Variants in TOPAZ1 observed in about 807,000 individuals in gnomAD.
The protein encoded by TOPAZ1 is protein TOPAZ1.
TOPAZ1 carries 66 observed loss-of-function variants against 172.2 expected under a neutral mutation model. The ratio of observed to expected loss-of-function variants is 0.38; its 90% CI spans 0.31 to 0.47. The LOEUF is 0.47. Among genes scored for constraint, TOPAZ1 ranks in the 20% least tolerant of loss-of-function variants. The pLI is 0.99. For synonymous variants in TOPAZ1, 681 were observed against 683.9 expected (o/e 1.00, Z 0.07); for missense variants, 1,822 against 1,972.4 (o/e 0.92, Z 1.44).
intron 16 of TOPAZ1, among the ~76,000 whole-genome samples, chr3:44,312,052 T>C (rs1370346118): frequency 6.6e-6 from 1 of 152,152 alleles, no homozygotes; most frequent in Non-Finnish European, 1.5e-5. Context: ...TACAAAGGTA[T>C]GCATATTAAA....
chr3:44,278,368 A>T (rs1699986752), intron 8 of TOPAZ1, among the ~76,000 whole-genome samples: 2 of 152,134 alleles, frequency 1.3e-5, no homozygotes, highest in Non-Finnish European at 2.9e-5. Context: ...TGGTTTTGTT[A>T]TCAGGGTAAT....
chr3:44,284,040 G>T (rs185403525), intron 9 of TOPAZ1, among the ~76,000 whole-genome samples: 2 of 152,204 alleles, frequency 1.3e-5, no homozygotes, highest in East Asian at 3.9e-4. Context: ...GCATTTAGTT[G>T]TCATGATTCT....
At chr3:44,318,758 GAA>G (rs924211166) in intron 16 of TOPAZ1, among the ~76,000 whole-genome samples, 1 of 140,388 alleles carries the variant, frequency 7.1e-6, no homozygotes, top group Non-Finnish European at 1.5e-5. Context: ...CCATTCCTCG[GAA>G]AAAAAAAATA....
At chr3:44,282,537 G>A (rs1052111254) in intron 9 of TOPAZ1, among the ~76,000 whole-genome samples, 1 of 152,082 alleles carries the variant, frequency 6.6e-6, no homozygotes, top group African/African-American at 2.4e-5. Flanking sequence ...AAGGCTATTC[G>A]GCCTTCAGGG....
rs144913806 is a variant in TOPAZ1 at position 44,287,940 on chromosome 3, G to A, written c.3681+101G>A. 5,002 of 617,030 alleles carry A rather than the reference G, an allele frequency of 8.1e-3. 29 individuals are homozygous for A. Among genetic ancestry groups the A allele is most frequent in the Non-Finnish European group, 0.011 (4,036 of 358,410 alleles). 38.2% of individuals were successfully genotyped at this position (617,030 alleles called of 1,614,324 possible). A position where few individuals can be genotyped will look rare whatever the true frequency, so the allele number is the denominator to read the frequency against. On this transcript the variant is annotated intron_variant, in intron 11 of 19. Transcript: ENST00000309765. Reference sequence around the variant, plus strand: ...TTGAGCTGCCTTTTATTCACATTCTGGATGCCAAAGAATTCTATTTCCAGA... The same window carrying A: ...TTGAGCTGCCTTTTATTCACATTCTAGATGCCAAAGAATTCTATTTCCAGA...
intron 19 of TOPAZ1, 104 bp downstream of exon 19, chr3:44,328,537 T>A: frequency 1.5e-5 from 8 of 521,022 alleles, no homozygotes; most frequent in Non-Finnish European, 2.2e-5. Context: ...ACATATATAT[T>A]TATGTATATA....
In TOPAZ1 at chr3:44,244,373, C is replaced by T; in HGVS notation, c.1867C>T (p.Gln623Ter). The T allele has an allele frequency of 6.4e-7, 1 of 1,550,700 alleles. No homozygotes were observed. Among genetic ancestry groups the T allele is most frequent in the South Asian group, 1.2e-5 (1 of 83,882 alleles). ...TEDTQLTSET[Q>*]SLTGNKKKAR... The stretch of plus-strand genomic sequence containing the variant: ...AGATACTCAATTAACCAGTGAGACT[C>T]AAAGCTTAACGGGAAATAAAAAAAA... Residue 623 changes from glutamine (Q) to a stop codon, truncating the protein, a stop_gained, in exon 2 of 20, where the codon CAA becomes TAA. Coordinates refer to ENST00000309765, the MANE Select transcript of TOPAZ1 (RefSeq NM_001145030.2). LOFTEE classifies it high-confidence loss of function.
At chr3:44,275,723 G>GTATCCATAT in intron 8 of TOPAZ1, among the ~76,000 whole-genome samples, 1 of 151,876 alleles carries the variant, frequency 6.6e-6, no homozygotes, top group Non-Finnish European at 1.5e-5. Context: ...CCCAGTAGTG[G>GTATCCATAT]GATTGCTAAA....
Position 44,287,414 on chromosome 3 carries a change from A to T in TOPAZ1, c.3462A>T (p.Arg1154Ser). Residue 1154 changes from arginine to serine, a missense_variant, in exon 10 of 20, where the codon AGA (arginine) becomes AGT (serine). Around this residue, in one of 2 missense-constraint regions of TOPAZ1, gnomAD observed 1,489 missense variants for 1,490.8 expected, o/e 1.00. Coordinates refer to ENST00000309765, the MANE Select transcript of TOPAZ1 (RefSeq NM_001145030.2). ...TAAACATATTTATGGAGTACTACAG[A>T]AAGTTTCCCCCAGGTGTATACTTTG... Reference protein sequence around the residue: ...RAVNIFMEYYRKFPPGVYFDL... With the variant: ...RAVNIFMEYYSKFPPGVYFDL... 1 of 1,506,148 alleles carries T rather than the reference A, an allele frequency of 6.6e-7. No homozygotes were observed. Among genetic ancestry groups the T allele is most frequent in the Non-Finnish European group, 8.9e-7 (1 of 1,124,828 alleles). The allele number at this position is 1,506,148 out of a possible 1,614,324, so 93.3% of individuals were successfully genotyped here.
In TOPAZ1 at chr3:44,244,683, T is replaced by C. The variant is rs1398053021; in HGVS notation, c.2177T>C (p.Val726Ala). 6.4e-7 allele frequency: 1 copy of C among 1,551,338 alleles called. No homozygotes were observed. Among genetic ancestry groups the C allele is most frequent in the Non-Finnish European group, 8.7e-7 (1 of 1,146,980 alleles). The change falls in exon 2 of 20, where the codon GTA becomes GCA. Residue 726 changes from valine (V) to alanine (A), a missense_variant. Transcript: ENST00000309765. ...ELLDNLSGAD[V>A]RQNRSKENVS... ...CTGGACAATTTATCTGGAGCAGACG[T>C]AAGACAGAACAGGAGTAAAGAAAAT...
downstream of TOPAZ1, among the ~76,000 whole-genome samples, chr3:44,334,103 G>A (rs1700698045): frequency 6.6e-6 from 1 of 152,158 alleles, no homozygotes; most frequent in Non-Finnish European, 1.5e-5. Context: ...AAATTTGGGG[G>A]AAAGAAGCCT....
Position 44,289,272 on chromosome 3 carries a change from C to T in TOPAZ1, c.3681+1433C>T, listed in dbSNP as rs76216340. Among the ~76,000 whole-genome samples the T allele has an allele frequency of 3.0e-3, 460 of 152,130 alleles. 3 individuals carry two copies. Among genetic ancestry groups the T allele is most frequent in the African/African-American group, 0.01 (433 of 41,506 alleles). ...AGTGACCCTTTCAAATGTTGTAGAG[C>T]GTAACAGTAAAAAAATCATGATGTC... On this transcript the variant is annotated intron_variant, in intron 11 of 19. Transcript: ENST00000309765.
At chr3:44,286,146 C>T (rs1171285226) in intron 9 of TOPAZ1, among the ~76,000 whole-genome samples, 5 of 152,054 alleles carry the variant, frequency 3.3e-5, no homozygotes, top group African/African-American at 1.2e-4. Flanking sequence ...ACCTGGAAGG[C>T]AGAGGTTGCA....
Position 44,287,425 on chromosome 3 carries a change from C to T in TOPAZ1, c.3473C>T (p.Pro1158Leu). The change falls in exon 10 of 20, where the codon CCA becomes CTA. Residue 1158 changes from proline (P) to leucine (L), a missense_variant. Physicochemically the swap from Pro to Leu is moderately conservative, Grantham distance 98 (BLOSUM62 -3). Transcript: ENST00000309765. ...ATGGAGTACTACAGAAAGTTTCCCC[C>T]AGGTGTATACTTTGATTTACAAGTG... ...IFMEYYRKFP[P>L]GVYFDLQVLN... 1 of 1,511,332 alleles carries T rather than the reference C, an allele frequency of 6.6e-7. No homozygotes were observed. The highest frequency in any genetic ancestry group is 8.9e-7 in the Non-Finnish European group (1 of 1,127,502). 93.6% of individuals were successfully genotyped at this position (1,511,332 alleles called of 1,614,324 possible). A position where few individuals can be genotyped will look rare whatever the true frequency, so the allele number is the denominator to read the frequency against.
At chr3:44,269,177 A>G (rs1465748512) in intron 6 of TOPAZ1, 39 bp from the exon 7 acceptor site, 1 of 1,084,158 alleles carries the variant, frequency 9.2e-7, no homozygotes, top group Non-Finnish European at 1.4e-6. Context: ...AATAAGTTGT[A>G]ACATATTGGT....
rs535134102 is a variant in TOPAZ1 at position 44,281,954 on chromosome 3, C to T, written c.3373-14C>T. On this transcript the variant is annotated splice_polypyrimidine_tract_variant and intron_variant, in intron 8 of 19. Transcript: ENST00000309765. ...TTAAAAAAGGTAGTTTTACATTTTT[C>T]GTGACTTTTGCAGGTTTGCATGGAT... The T allele has an allele frequency of 1.6e-5, 25 of 1,517,336 alleles. No individual in the cohort carries two copies. Among genetic ancestry groups the T allele is most frequent in the African/African-American group, 9.7e-5 (7 of 71,894 alleles). The allele number at this position is 1,517,336 out of a possible 1,614,324, so 94.0% of individuals were successfully genotyped here.
chr3:44,250,781 A>G (rs929698091), intron 2 of TOPAZ1, among the ~76,000 whole-genome samples: 8 of 152,326 alleles, frequency 5.3e-5, no homozygotes, highest in Non-Finnish European at 1.0e-4. Flanking sequence ...GGTGGGGACT[A>G]TGAAGAAACA....
At position 44,252,397 on chromosome 3, in the gene TOPAZ1, A is replaced by G. The variant is rs573844573; in HGVS notation, c.2766-2571A>G. On this transcript the variant is annotated intron_variant, in intron 2 of 19. Transcript: ENST00000309765. ...ATATCTTTTGTCATAGTGATATTTG[A>G]AATAGAAATTGATCTGCCAGTAACC... is the stretch of plus-strand genomic sequence containing the variant. Among the ~76,000 whole-genome samples the G allele has an allele frequency of 5.3e-5, 8 of 152,340 alleles. No individual in the cohort carries two copies. The South Asian group carries it at 1.7e-3, about 32-fold the overall frequency.
intron 11 of TOPAZ1, among the ~76,000 whole-genome samples, chr3:44,289,579 A>T (rs1420952697): frequency 1.3e-5 from 2 of 152,192 alleles, no homozygotes; most frequent in Non-Finnish European, 2.9e-5. Context: ...GAGTACCACT[A>T]AATTTGAGAC....
Sources: gnomAD v4.1 joint callset for allele counts (sites outside exome capture counted in the v4.1 genomes callset) on GRCh38, gnomAD v4.1.1 for gene constraint, gnomAD v4.1.1 regional missense constraint, MANE v1.5 for transcripts, NCBI Gene and HGNC (gene_info 2026-07-23, HGNC 2026-07-21) for gene names.